MIDEAS: variants seen among roughly 807,000 people sequenced by gnomAD.
The protein encoded by MIDEAS is mitotic deacetylase-associated SANT domain protein.
Under a neutral mutation model 102.7 loss-of-function variants are expected in MIDEAS, and 26 were observed. The observed-to-expected ratio is 0.25, with a 90% CI of 0.19 to 0.35. MIDEAS has a LOEUF of 0.35. Ranked by LOEUF, MIDEAS falls within the 10% of genes least tolerant of loss-of-function variation. The pLI, the probability that MIDEAS is intolerant of heterozygous loss-of-function variation, is 1.00. For synonymous variants in MIDEAS, 585 were observed against 591.0 expected (o/e 0.99, Z 0.15); for missense variants, 1,231 against 1,435.6 (o/e 0.86, Z 2.30).
chr14:73,718,871 T>A lies in MIDEAS; in HGVS notation c.3272A>T (p.Glu1091Val), dbSNP rs2052937491. ...GCCCTTGTCGCCCGCACCGCTCTCCTCCCGCAGGGCCTGCTGGTGGGCGGC... is the reference window on the plus strand; with the variant it reads ...GCCCTTGTCGCCCGCACCGCTCTCCACCCGCAGGGCCTGCTGGTGGGCGGC... ...AAAAHQQALR[E>V]ESGAGDKG Residue 1091 changes from glutamate to valine, a missense_variant, in exon 13 of 13, where the codon GAG becomes GTG. Transcript: ENST00000423556. The A allele has an allele frequency of 4.6e-6, 7 of 1,510,920 alleles. No homozygotes were observed. In the South Asian group the frequency reaches 7.4e-5, roughly 16 times the overall value. The allele number at this position is 1,510,920 out of a possible 1,614,324, so 93.6% of individuals were successfully genotyped here. A position where few individuals can be genotyped will look rare whatever the true frequency, so the allele number is the denominator to read the frequency against.
intron 1 of MIDEAS, among the ~76,000 whole-genome samples, chr14:73,777,755 A>G (rs2053704490): frequency 6.6e-6 from 1 of 151,956 alleles, no homozygotes; most frequent in Non-Finnish European, 1.5e-5. Context: ...TGTGCAAGGC[A>G]CTGGGGTTTT....
Position 73,716,322 on chromosome 14 carries a change from CA to C in MIDEAS, c.*2520del, listed in dbSNP as rs889278099. The C allele has an allele frequency of 6.6e-6, 1 of 152,074 alleles. No homozygotes were observed. The highest frequency in any genetic ancestry group is 1.5e-5 in the Non-Finnish European group (1 of 68,012). 9.4% of individuals were successfully genotyped at this position (152,074 alleles called of 1,614,324 possible). On this transcript the variant is annotated 3_prime_UTR_variant, in exon 13 of 13. Coordinates refer to ENST00000423556, the MANE Select transcript of MIDEAS (RefSeq NM_001367710.1). ...AGAGAGGTACCATCTTGATTTTCCC[CA>C]GTTACATTCACCTGGTCTGGTCTCT...
chr14:73,740,108 G>C lies in MIDEAS; in HGVS notation c.-100C>G. ...AAGCCGGGCTCTAGTCCAGGAGCCAGGGAGGGCAGAGCAGGGGCAGAGGAA... is the reference window on the plus strand; with the variant it reads ...AAGCCGGGCTCTAGTCCAGGAGCCACGGAGGGCAGAGCAGGGGCAGAGGAA... On this transcript the variant is annotated 5_prime_UTR_variant, in exon 2 of 13. Coordinates refer to ENST00000423556, the MANE Select transcript of MIDEAS (RefSeq NM_001367710.1). 7.2e-7 allele frequency: 1 copy of C among 1,392,814 alleles called. No individual in the cohort carries two copies. 86.3% of individuals were successfully genotyped at this position (1,392,814 alleles called of 1,614,324 possible). A position where few individuals can be genotyped will look rare whatever the true frequency, so the allele number is the denominator to read the frequency against.
At chr14:73,726,192 G>T in intron 7 of MIDEAS, 84 bp from the exon 8 acceptor site, 1 of 1,099,018 alleles carries the variant, frequency 9.1e-7, no homozygotes, top group Non-Finnish European at 1.4e-6. Context: ...ATAAAATCCC[G>T]AGTAGGGTGG....
Position 73,739,685 on chromosome 14 carries a change from C to T in MIDEAS, c.324G>A (p.Pro108=), listed in dbSNP as rs139600793. 1.1e-3 allele frequency: 1,759 copies of T among 1,613,756 alleles called. 30 individuals carry two copies. The East Asian group carries it at 0.034, about 31-fold the overall frequency. The change falls in exon 2 of 13, where the codon CCG becomes CCA. Residue 108 remains proline (P), a synonymous_variant. Transcript: ENST00000423556. ...TGACACCCCCACCTCCTCCACGCTC[C>T]GGGCCCCGCCCTGGAGCCATCACAG... is the stretch of plus-strand genomic sequence containing the variant. ...PNSVMAPGRG[P]ERGGGGGVSD... is the part of the protein sequence containing the mutation.
Position 73,725,323 on chromosome 14 carries a change from G to C in MIDEAS, c.2523C>G (p.Phe841Leu). The C allele has an allele frequency of 1.2e-6, 2 of 1,614,082 alleles. No homozygotes were observed. Among genetic ancestry groups the C allele is most frequent in the Non-Finnish European group, 1.7e-6 (2 of 1,179,992 alleles). ...DQWKMAERKL[F>L]NKGIAIYKKD... ...TCTTGTAGATGGCAATGCCTTTGTTGAACAGCTTCCTCTCGGCCATCTTCC... is the reference window on the plus strand; with the variant it reads ...TCTTGTAGATGGCAATGCCTTTGTTCAACAGCTTCCTCTCGGCCATCTTCC... Residue 841 changes from phenylalanine to leucine, a missense_variant, in exon 9 of 13, where the codon TTC becomes TTG. Phe to Leu is a conservative substitution (Grantham distance 22). Around this residue, in one of 5 missense-constraint regions of MIDEAS, gnomAD observed 391 missense variants for 483.0 expected, o/e 0.81. Coordinates refer to ENST00000423556, the MANE Select transcript of MIDEAS (RefSeq NM_001367710.1). The surrounding 1 kb of genome is among the most constrained non-coding windows in gnomAD (Gnocchi z 4.1).
At chr14:73,764,132 G>A (rs1312614359), upstream of MIDEAS, among the ~76,000 whole-genome samples, 2 of 152,020 alleles carry the variant, frequency 1.3e-5, no homozygotes, top group African/African-American at 2.4e-5. Flanking sequence ...CTGAGTCCAG[G>A]AGTTCGAGAC....
chr14:73,754,049 T>C (rs945889611), intron 1 of MIDEAS, among the ~76,000 whole-genome samples: 1 of 152,060 alleles, frequency 6.6e-6, no homozygotes, highest in Non-Finnish European at 1.5e-5. Flanking sequence ...ACACAGGGCC[T>C]ACAGAAAGCA....
At position 73,740,622 on chromosome 14, in the gene MIDEAS, A is replaced by G. The variant is rs531455284; in HGVS notation, c.-247-367T>C. Among the ~76,000 whole-genome samples the G allele has an allele frequency of 2.0e-5, 3 of 152,346 alleles. No individual in the cohort carries two copies. In the East Asian group the frequency reaches 5.8e-4, roughly 29 times the overall value. ...CCAAGCCCCTCCAGCCCAGCTGAGA[A>G]AGAGGCAGCAAAAGCCACACTGGCT... On this transcript the variant is annotated intron_variant, in intron 1 of 12. Transcript: ENST00000423556.
At position 73,725,138 on chromosome 14, in the gene MIDEAS, A is replaced by G; in HGVS notation, c.2574+134T>C. ...CTTTCTCTTTCTTGTATTGTTTAGG[A>G]AATTCTCTCTGAGGCTACTCAGTAG... On this transcript the variant is annotated intron_variant, in intron 9 of 12. Coordinates refer to ENST00000423556, the MANE Select transcript of MIDEAS (RefSeq NM_001367710.1). The surrounding 1 kb of genome is among the most constrained non-coding windows in gnomAD (Gnocchi z 4.1). 1.4e-6 allele frequency: 1 copy of G among 700,854 alleles called. No homozygotes were observed. The highest frequency in any genetic ancestry group is 3.1e-4 in the Middle Eastern group (1 of 3,262). 43.4% of individuals were successfully genotyped at this position (700,854 alleles called of 1,614,324 possible).
chr14:73,727,484 C>T lies in MIDEAS; in HGVS notation c.2136G>A (p.Gly712=), dbSNP rs1212709382. Residue 712 remains glycine (G), a synonymous_variant, in exon 5 of 13, where the codon GGG becomes GGA. Transcript: ENST00000423556. ...EVTPPVLSVM[G]EATPVSIEPR... Reference sequence around the variant, plus strand: ...GCTCGATGCTCACTGGGGTGGCCTCCCCCATCACAGAGAGGACAGGCGGGG... The same window carrying T: ...GCTCGATGCTCACTGGGGTGGCCTCTCCCATCACAGAGAGGACAGGCGGGG... 4.3e-6 allele frequency: 7 copies of T among 1,613,736 alleles called. No individual in the cohort carries two copies. Among genetic ancestry groups the T allele is most frequent in the Non-Finnish European group, 5.1e-6 (6 of 1,179,910 alleles).
Position 73,719,347 on chromosome 14 carries a change from G to A in MIDEAS, c.3092C>T (p.Thr1031Ile). 1.9e-6 allele frequency: 3 copies of A among 1,613,922 alleles called. No homozygotes were observed. The highest frequency in any genetic ancestry group is 1.1e-5 in the South Asian group (1 of 91,058). ...GGGGAAAGTGTTCTCCTGATTCTGG[G>A]TCTTACTGAATGTCTCTGTTTTTTT... The part of the protein sequence containing the change: ...KKKKTETFSK[T>I]QNQENTFPCK... Residue 1031 changes from threonine (T) to isoleucine (I), a missense_variant, in exon 12 of 13, where the codon ACC becomes ATC. Thr to Ile is a moderately conservative substitution (Grantham distance 89). Transcript: ENST00000423556.
At chr14:73,769,447 A>C (rs2140166320) in intron 1 of MIDEAS, among the ~76,000 whole-genome samples, 1 of 152,340 alleles carries the variant, frequency 6.6e-6, no homozygotes, top group Admixed American at 6.5e-5. Flanking sequence ...AGGCCCCATT[A>C]TGGCCCGCCC....
chr14:73,760,705 A>G (rs77395380), upstream of MIDEAS, among the ~76,000 whole-genome samples: 1,491 of 152,286 alleles, frequency 9.8e-3, 19 homozygotes, highest in African/African-American at 0.034. The surrounding 1 kb of genome is among the most constrained non-coding windows in gnomAD (Gnocchi z 4.8). Flanking sequence ...AGACTCTCCG[A>G]GTTTCACTTT....
chr14:73,726,998 T>C, intron 5 of MIDEAS, 26 bp from the exon 6 acceptor site: 1 of 1,568,368 alleles, frequency 6.4e-7, no homozygotes, highest in Non-Finnish European at 8.7e-7. Flanking sequence ...GGGCAGGAAG[T>C]GAGGCCTCAC....
intron 1 of MIDEAS, among the ~76,000 whole-genome samples, chr14:73,746,489 C>G (rs532853281): frequency 1.4e-4 from 22 of 152,216 alleles, no homozygotes; most frequent in Non-Finnish European, 2.8e-4. Flanking sequence ...CCGCAGGAGA[C>G]TCAGCAGATG....
rs932367436 is a variant in MIDEAS, at chr14:73,725,276, T to G, written c.2570A>C (p.Lys857Thr). Residue 857 changes from lysine to threonine, a missense_variant, in exon 9 of 13, where the codon AAG (lysine) becomes ACG (threonine). Transcript: ENST00000423556. The surrounding 1 kb of genome is among the most constrained non-coding windows in gnomAD (Gnocchi z 4.1). Reference sequence around the variant, plus strand: ...CTGAAACAGAGCCCAGCTCACCAGCTTCTGCACCAGGAAGAAATCCTTCTT... The same window carrying G: ...CTGAAACAGAGCCCAGCTCACCAGCGTCTGCACCAGGAAGAAATCCTTCTT... ...IYKKDFFLVQ[K>T]LIQTKTVAQC... 6.2e-7 allele frequency: 1 copy of G among 1,613,936 alleles called. No homozygotes were observed. Among genetic ancestry groups the G allele is most frequent in the Non-Finnish European group, 8.5e-7 (1 of 1,179,814 alleles).
rs547469016 is a variant in MIDEAS at position 73,753,374 on chromosome 14, G to A, written c.-248+6389C>T. On this transcript the variant is annotated intron_variant, in intron 1 of 12. Transcript: ENST00000423556. ...GTTCCTTGTGCACATGAAAATAGCC[G>A]GAGGAAGTGTGGGAGCTGCAGGGTA... Among the ~76,000 whole-genome samples, 78 of 152,328 alleles carry A rather than the reference G, an allele frequency of 5.1e-4. 1 individual carries two copies. In the South Asian group the frequency reaches 0.016, roughly 30 times the overall value.
chr14:73,739,235 C>T lies in MIDEAS; in HGVS notation c.774G>A (p.Gln258=). 2 of 1,612,588 alleles carry T rather than the reference C, an allele frequency of 1.2e-6. No homozygotes were observed. Among genetic ancestry groups the T allele is most frequent in the Non-Finnish European group, 8.5e-7 (1 of 1,179,630 alleles). ...GGGGTAGGGCTGCCTGCTGCTGCTG[C>T]TGCTGCTGCTGTGGTTGCTGCTGCT... is the stretch of plus-strand genomic sequence containing the variant. ...QQQQQQPQQQ[Q]QQQQAALPQM... The change falls in exon 2 of 13, where the codon CAG becomes CAA. Residue 258 remains glutamine (Q), a synonymous_variant. Coordinates refer to ENST00000423556, the MANE Select transcript of MIDEAS (RefSeq NM_001367710.1).
Sources: gnomAD v4.1 joint callset for allele counts (sites outside exome capture counted in the v4.1 genomes callset) on GRCh38, gnomAD v4.1.1 for gene constraint, gnomAD v4.1.1 regional missense constraint, Gnocchi (gnomAD v3.1) non-coding constraint, MANE v1.5 for transcripts, NCBI Gene and HGNC (gene_info 2026-07-23, HGNC 2026-07-21) for gene names.